Variants in LRP1B observed in about 807,000 individuals in gnomAD.
LRP1B encodes the protein low-density lipoprotein receptor-related protein 1B.
Under a neutral mutation model 556.6 loss-of-function variants are expected in LRP1B, and 217 were observed. That is an observed-to-expected ratio of 0.39 (90% CI 0.35 to 0.44). The LOEUF (loss-of-function observed/expected upper bound fraction) is 0.44, where lower values mean the gene tolerates loss of function less well. LRP1B is among the 20% of genes least tolerant of loss of function. LRP1B has a pLI of 1.00. For missense variants in LRP1B, 5,053 were observed against 5,620.8 expected (o/e 0.90, Z 3.23); for synonymous variants, 2,047 against 1,865.8 (o/e 1.10, Z -2.50).
chr2:141,077,745 G>A (rs545303398), intron 7 of LRP1B, among the ~76,000 whole-genome samples: 5 of 152,224 alleles, frequency 3.3e-5, no homozygotes, highest in Admixed American at 3.3e-4. Flanking sequence ...CTGCCCTACA[G>A]ATTTCAATCT....
At chr2:141,492,258 T>TA (rs941034686) in intron 2 of LRP1B, among the ~76,000 whole-genome samples, 6 of 151,958 alleles carry the variant, frequency 3.9e-5, no homozygotes, top group Non-Finnish European at 8.8e-5. Context: ...TTCTATAATT[T>TA]AAAAAAGAGT....
At chr2:141,138,587 T>A (rs895046185) in intron 7 of LRP1B, among the ~76,000 whole-genome samples, 1 of 151,876 alleles carries the variant, frequency 6.6e-6, no homozygotes, top group Admixed American at 6.6e-5. Flanking sequence ...CATTTTTTTT[T>A]TTACTGGCAA....
intron 41 of LRP1B, among the ~76,000 whole-genome samples, chr2:140,696,291 T>C (rs1686427439): frequency 6.6e-6 from 1 of 152,142 alleles, no homozygotes; most frequent in African/African-American, 2.4e-5. Flanking sequence ...AGTTAAACTA[T>C]ACATTCACCT....
At chr2:140,633,250 G>A (rs1179353411) in intron 41 of LRP1B, among the ~76,000 whole-genome samples, 1 of 150,950 alleles carries the variant, frequency 6.6e-6, no homozygotes, top group African/African-American at 2.4e-5. Context: ...AGACTCAAGA[G>A]TAGCTCAAAA....
At chr2:140,974,139 A>G (rs1486034088) in intron 18 of LRP1B, among the ~76,000 whole-genome samples, 1 of 152,186 alleles carries the variant, frequency 6.6e-6, no homozygotes, top group East Asian at 1.9e-4. Flanking sequence ...GACAGCACAA[A>G]TATCAGTGGG....
At chr2:140,894,956 A>T (rs914918191) in intron 23 of LRP1B, among the ~76,000 whole-genome samples, 3 of 151,972 alleles carry the variant, frequency 2.0e-5, no homozygotes, top group African/African-American at 7.3e-5. Context: ...AAAAAAAAAA[A>T]AATTGATACA....
chr2:140,500,119 A>G (rs926452036), intron 55 of LRP1B, among the ~76,000 whole-genome samples: 1 of 151,912 alleles, frequency 6.6e-6, no homozygotes, highest in Non-Finnish European at 1.5e-5. Context: ...CCTGTAATAT[A>G]TTGTTTATGA....
intron 41 of LRP1B, among the ~76,000 whole-genome samples, chr2:140,666,097 G>A (rs1013638341): frequency 1.8e-4 from 27 of 151,504 alleles, no homozygotes; most frequent in African/African-American, 6.1e-4. Flanking sequence ...AAGTTCAAGC[G>A]ATTCTCCTGC....
intron 2 of LRP1B, among the ~76,000 whole-genome samples, chr2:141,502,076 A>G (rs1008802702): frequency 6.6e-6 from 1 of 152,196 alleles, no homozygotes. Flanking sequence ...CCCCAAACAA[A>G]TATAAGATTG....
At chr2:141,875,289 T>C (rs1223829437) in intron 1 of LRP1B, among the ~76,000 whole-genome samples, 1 of 151,892 alleles carries the variant, frequency 6.6e-6, no homozygotes, top group Non-Finnish European at 1.5e-5. Context: ...ATAATAGGCA[T>C]GAACCTGTTA....
chr2:141,273,061 C>A (rs1201823764), intron 3 of LRP1B, among the ~76,000 whole-genome samples: 2 of 152,176 alleles, frequency 1.3e-5, no homozygotes, highest in African/African-American at 2.4e-5. Flanking sequence ...GTAATCCCAG[C>A]ACTTTTGGAG....
chr2:141,097,176 AATC>A (rs1398168519), intron 7 of LRP1B, among the ~76,000 whole-genome samples: 1 of 152,186 alleles, frequency 6.6e-6, no homozygotes, highest in Non-Finnish European at 1.5e-5. Context: ...TTACAGAGTT[AATC>A]ATTGAATTCT....
Position 140,353,002 on chromosome 2 carries a change from A to G in LRP1B, c.11601T>C (p.Cys3867=), listed in dbSNP as rs763715566. The G allele has an allele frequency of 2.5e-6, 4 of 1,612,800 alleles. No homozygotes were observed. The highest frequency in any genetic ancestry group is 2.2e-5 in the East Asian group (1 of 44,664). The change falls in exon 76 of 91, where the codon TGT becomes TGC. Residue 3867 remains cysteine (C), a synonymous_variant. Transcript: ENST00000389484. ...TTTCTTGAAAATTCTGGTCACACACACATTTATATGATCCTTCCACATTTA... is the reference window on the plus strand; with the variant it reads ...TTTCTTGAAAATTCTGGTCACACACGCATTTATATGATCCTTCCACATTTA... The part of the protein sequence containing the change: ...QCINVEGSYK[C]VCDQNFQERN...
intron 41 of LRP1B, among the ~76,000 whole-genome samples, chr2:140,628,357 G>A (rs781142044): frequency 1.6e-4 from 25 of 152,012 alleles, no homozygotes; most frequent in Middle Eastern, 3.4e-3. Context: ...GTGAAACCCC[G>A]TCTCCAATAA....
intron 3 of LRP1B, among the ~76,000 whole-genome samples, chr2:141,406,508 G>A (rs1258962080): frequency 6.6e-6 from 1 of 151,918 alleles, no homozygotes; most frequent in Admixed American, 6.6e-5. Flanking sequence ...AAAAGTGAAT[G>A]TACACAATTC....
At chr2:141,963,482 A>C (rs1005730274) in intron 1 of LRP1B, among the ~76,000 whole-genome samples, 3 of 151,878 alleles carry the variant, frequency 2.0e-5, no homozygotes, top group African/African-American at 7.3e-5. Flanking sequence ...AACAGAGCCA[A>C]AGACAAAAAC....
intron 66 of LRP1B, among the ~76,000 whole-genome samples, chr2:140,406,189 T>A (rs1684729136): frequency 6.6e-6 from 1 of 152,068 alleles, no homozygotes; most frequent in South Asian, 2.1e-4. Flanking sequence ...ACGGAACTTA[T>A]GTCAAAATAA....
chr2:141,214,060 G>T (rs1476467133), intron 6 of LRP1B, among the ~76,000 whole-genome samples: 2 of 151,822 alleles, frequency 1.3e-5, no homozygotes, highest in Non-Finnish European at 2.9e-5. Flanking sequence ...AAATATTTTT[G>T]ATCGATGGTT....
chr2:140,531,991 T>C (rs1273817492), intron 47 of LRP1B, among the ~76,000 whole-genome samples: 3 of 152,122 alleles, frequency 2.0e-5, no homozygotes, highest in Non-Finnish European at 4.4e-5. Flanking sequence ...ATGCAATCAT[T>C]ACTCCACACT....
Sources: gnomAD v4.1 joint callset for allele counts (sites outside exome capture counted in the v4.1 genomes callset) on GRCh38, gnomAD v4.1.1 for gene constraint, MANE v1.5 for transcripts, NCBI Gene and HGNC (gene_info 2026-07-23, HGNC 2026-07-21) for gene names.